The following CDHR2 variants were observed in gnomAD, a reference collection of about 807,000 sequenced individuals.
The protein encoded by CDHR2 is cadherin related family member 2, also known as cadherin-related family member 2.
CDHR2 carries 104 observed loss-of-function variants against 138.6 expected under a neutral mutation model. The observed-to-expected ratio is 0.75, with a 90% CI of 0.64 to 0.88. The LOEUF is 0.88. Among genes scored for constraint, CDHR2 ranks in the 40% least tolerant of loss-of-function variants. CDHR2 has a pLI of 0.00. For missense variants in CDHR2, 1,624 were observed against 1,727.6 expected, an observed-to-expected ratio of 0.94 and a Z score of 1.06; for synonymous variants, 755 against 742.8, an observed-to-expected ratio of 1.02 and a Z score of -0.27.
rs746673033 is a variant in CDHR2 at position 176,589,616 on chromosome 5, C to T, written c.3206C>T (p.Ala1069Val). The T allele has an allele frequency of 3.0e-5, 48 of 1,613,738 alleles. No homozygotes were observed. The highest frequency in any genetic ancestry group is 3.7e-5 in the Non-Finnish European group (44 of 1,179,800). The change falls in exon 24 of 32, where the codon GCG becomes GTG. Residue 1069 changes from alanine (A) to valine (V), a missense_variant and splice_region_variant. By Grantham distance (64) the Ala-to-Val change is moderately conservative. Transcript: ENST00000261944. ...GGCGCCAACAGACAGGCGATTAATG[C>T]GTAGGTCTGGGGAGCCCCGGAGGGA... Reference protein sequence around the residue: ...EVGANRQAINAALTQATRTTV... With the variant: ...EVGANRQAINVALTQATRTTV...
At chr5:176,551,904 C>T (rs1235995782) in intron 1 of CDHR2, among the ~76,000 whole-genome samples, 3 of 150,930 alleles carry the variant, frequency 2.0e-5, no homozygotes, top group East Asian at 1.9e-4. Context: ...TTAGTAGAGA[C>T]GGCGTTTCAC....
chr5:176,544,452 C>CTTTG (rs72137369), upstream of CDHR2, among the ~76,000 whole-genome samples: 1 of 2,086 alleles, frequency 4.8e-4, no homozygotes, highest in Admixed American at 6.0e-3. Flanking sequence ...TCTCTCTTTC[C>CTTTG]TTTTTTTGAC....
At chr5:176,586,962 C>CGGTTT (rs1758686492) in intron 21 of CDHR2, 120 bp downstream of exon 21, 2 of 787,594 alleles carry the variant, frequency 2.5e-6, no homozygotes, top group South Asian at 3.1e-5. Flanking sequence ...AAAAAGAAAA[C>CGGTTT]CCCAGAAGGG....
chr5:176,562,065 G>A (rs1357768820), intron 1 of CDHR2, among the ~76,000 whole-genome samples: 1 of 152,202 alleles, frequency 6.6e-6, no homozygotes, highest in African/African-American at 2.4e-5. Context: ...GGGAGATGAG[G>A]GGTGGGCTGA....
intron 1 of CDHR2, among the ~76,000 whole-genome samples, chr5:176,558,540 C>G (rs10056365): frequency 0.016 from 2,363 of 150,910 alleles, 57 homozygotes; most frequent in African/African-American, 0.054. Flanking sequence ...TGTGCCACCA[C>G]GCCCAGCTAA....
intron 16 of CDHR2, among the ~76,000 whole-genome samples, chr5:176,580,166 G>A (rs4995910): frequency 1.3e-4 from 12 of 90,196 alleles, no homozygotes; most frequent in East Asian, 7.4e-4. Flanking sequence ...ACTCACACAC[G>A]CACTCACACA....
chr5:176,591,707 GTGT>G lies in CDHR2; in HGVS notation c.3734+226_3734+228del. On this transcript the variant is annotated intron_variant, in intron 30 of 31. Transcript: ENST00000261944. ...GACAACAATGATGGTGGTGATGATG[GTGT>G]TGGTGTTGAGGTGATGGTGATGGTT... The G allele has an allele frequency of 1.1e-5, 6 of 542,128 alleles. No homozygotes were observed. In the African/African-American group the frequency reaches 1.2e-4, roughly 11 times the overall value. 33.6% of individuals were successfully genotyped at this position (542,128 alleles called of 1,614,324 possible). A position where few individuals can be genotyped will look rare whatever the true frequency, so the allele number is the denominator to read the frequency against.
In CDHR2 at chr5:176,584,739, G is replaced by C. The variant is rs201046614; in HGVS notation, c.2458G>C (p.Glu820Gln). Residue 820 changes from glutamate (E) to glutamine (Q), a missense_variant, in exon 19 of 32, where the codon GAG becomes CAG. By Grantham distance (29) the Glu-to-Gln change is conservative. Coordinates refer to ENST00000261944, the MANE Select transcript of CDHR2 (RefSeq NM_017675.6). ...CTCACTCCGGGGCATCCGTGTGGCT[G>C]AGAATGGCTCACAGCACGGCCAGGT... ...VASLRGIRVA[E>Q]NGSQHGQVAV... The C allele has an allele frequency of 1.7e-5, 27 of 1,614,226 alleles. No individual in the cohort carries two copies. The South Asian group carries it at 2.0e-4, about 12-fold the overall frequency.
chr5:176,559,052 G>A lies in CDHR2; in HGVS notation c.-15-6286G>A, dbSNP rs181671142. Among the ~76,000 whole-genome samples the A allele has an allele frequency of 1.2e-4, 18 of 152,324 alleles. No individual in the cohort carries two copies. The East Asian group carries it at 1.5e-3, about 13-fold the overall frequency. On this transcript the variant is annotated intron_variant, in intron 1 of 31. Transcript: ENST00000261944. ...TCCCTCAACGCACAGGCCTCTTAAC[G>A]TGGTTAGCTTGGGCTTCCTTATAAC...
At chr5:176,565,159 C>A in intron 1 of CDHR2, 179 bp from the exon 2 acceptor site, 1 of 596,512 alleles carries the variant, frequency 1.7e-6, no homozygotes, top group Non-Finnish European at 3.0e-6. Context: ...CACCTGGCCT[C>A]CCCCTTGGTT....
upstream of CDHR2, among the ~76,000 whole-genome samples, chr5:176,549,066 G>A (rs949676354): frequency 4.6e-5 from 7 of 152,176 alleles, no homozygotes; most frequent in Non-Finnish European, 7.3e-5. Flanking sequence ...GACTGTCACC[G>A]TCCCCGCCTC....
In CDHR2 at chr5:176,543,920, C is replaced by T. The variant is rs1177260772; in HGVS notation, c.-16+1151C>T. Among the ~76,000 whole-genome samples, 2 of 152,248 alleles carry T rather than the reference C, an allele frequency of 1.3e-5. No individual in the cohort carries two copies. The highest frequency in any genetic ancestry group is 6.5e-5 in the Admixed American group (1 of 15,294). On this transcript the variant is annotated intron_variant, in intron 1 of 31. Transcript: ENST00000510636. This position sits in a 1 kb window ranked among gnomAD's most constrained non-coding sequence, Gnocchi z 4.0. Reference sequence around the variant, plus strand: ...CCCCGCAACCCCTGTGTCCCCATCGCTAGAGCCAACCTGGACCAGGGCATG... The same window carrying T: ...CCCCGCAACCCCTGTGTCCCCATCGTTAGAGCCAACCTGGACCAGGGCATG...
At chr5:176,542,715 TG>T (rs1561860579) in exon 1 of CDHR2, 1 of 152,194 alleles carries the variant, frequency 6.6e-6, no homozygotes, top group Non-Finnish European at 1.5e-5. Flanking sequence ...TGTGTGACCT[TG>T]GGCAAGACAC....
Position 176,590,065 on chromosome 5 carries a change from G to A in CDHR2, c.3207-13G>A, listed in dbSNP as rs1290038222. The A allele has an allele frequency of 5.6e-6, 9 of 1,611,820 alleles. No homozygotes were observed. The highest frequency in any genetic ancestry group is 1.7e-5 in the Admixed American group (1 of 60,008). ...AAGACCCCAGGCCTCTGTGACATCT[G>A]CCTTCTTTGCAGGGCTCTTACCCAG... On this transcript the variant is annotated splice_polypyrimidine_tract_variant and intron_variant, in intron 24 of 31. Transcript: ENST00000261944.
intron 2 of CDHR2, 74 bp downstream of exon 2, chr5:176,565,478 G>GA: frequency 2.1e-6 from 3 of 1,449,518 alleles, no homozygotes. Flanking sequence ...AAAGGAGGGG[G>GA]ATCCCTCATC....
chr5:176,566,109 A>G (rs919392643), intron 3 of CDHR2, among the ~76,000 whole-genome samples: 2 of 148,426 alleles, frequency 1.3e-5, no homozygotes, highest in African/African-American at 5.0e-5. Context: ...TTTTTTTTTT[A>G]AAGGGAGAGC....
intron 31 of CDHR2, among the ~76,000 whole-genome samples, chr5:176,593,952 G>A (rs1758951434): frequency 6.6e-6 from 1 of 152,184 alleles, no homozygotes; most frequent in South Asian, 2.1e-4. Flanking sequence ...GCTAGGAGAT[G>A]GTTAGTGGCC....
upstream of CDHR2, among the ~76,000 whole-genome samples, chr5:176,548,534 G>C (rs1395767301): frequency 6.6e-6 from 1 of 152,162 alleles, no homozygotes; most frequent in Non-Finnish European, 1.5e-5. Flanking sequence ...GAGGTTAGGA[G>C]TTCGAGACCA....
intron 2 of CDHR2, 82 bp from the exon 3 acceptor site, chr5:176,565,590 C>G: frequency 7.4e-7 from 1 of 1,346,652 alleles, no homozygotes; most frequent in East Asian, 2.4e-5. Context: ...GCCATAAGGA[C>G]TAGTGTGTGC....
Sources: gnomAD v4.1 joint callset for allele counts (sites outside exome capture counted in the v4.1 genomes callset) on GRCh38, gnomAD v4.1.1 for gene constraint, Gnocchi (gnomAD v3.1) non-coding constraint, MANE v1.5 for transcripts, NCBI Gene and HGNC (gene_info 2026-07-23, HGNC 2026-07-21) for gene names.